Variants in PTPRN2 observed in about 807,000 individuals in gnomAD.
The protein encoded by PTPRN2 is protein tyrosine phosphatase receptor type N2.
A neutral mutation model predicts 118.8 loss-of-function variants in PTPRN2; 74 were observed. The ratio of observed to expected loss-of-function variants is 0.62; its 90% CI spans 0.52 to 0.76. The LOEUF is 0.76. Ranked by LOEUF, PTPRN2 falls within the 30% of genes least tolerant of loss-of-function variation. The probability of loss-of-function intolerance (pLI) is 0.00; values close to 1 mark genes in which losing one functional copy is unlikely to be tolerated. For missense variants in PTPRN2, 1,481 were observed against 1,394.4 expected, an observed-to-expected ratio of 1.06 and a Z score of -0.99; for synonymous variants, 641 against 608.0, an observed-to-expected ratio of 1.05 and a Z score of -0.80.
intron 12 of PTPRN2, among the ~76,000 whole-genome samples, chr7:157,699,116 G>C (rs1797947081): frequency 6.6e-6 from 1 of 152,110 alleles, no homozygotes; most frequent in Non-Finnish European, 1.5e-5. Context: ...GGGTTGCTTT[G>C]GAATTAAAAG....
intron 2 of PTPRN2, among the ~76,000 whole-genome samples, chr7:158,453,685 C>T (rs902596850): frequency 4.6e-5 from 7 of 152,182 alleles, no homozygotes; most frequent in African/African-American, 1.7e-4. Context: ...TTAAGTGAAC[C>T]ATATATATGC....
chr7:157,897,841 T>C (rs1797219557), intron 12 of PTPRN2, among the ~76,000 whole-genome samples: 1 of 152,274 alleles, frequency 6.6e-6, no homozygotes, highest in African/African-American at 2.4e-5. Flanking sequence ...AAATAAGCGC[T>C]CCTTCACAGT....
intron 13 of PTPRN2, among the ~76,000 whole-genome samples, chr7:157,666,602 A>G (rs576494680): frequency 1.3e-5 from 2 of 152,286 alleles, no homozygotes; most frequent in East Asian, 1.9e-4. Flanking sequence ...CGTGTAAGGC[A>G]GAGGCTGAGG....
intron 12 of PTPRN2, among the ~76,000 whole-genome samples, chr7:157,849,175 T>C (rs1464809222): frequency 6.6e-6 from 1 of 152,174 alleles, no homozygotes; most frequent in Non-Finnish European, 1.5e-5. Flanking sequence ...CGGGTTTCCC[T>C]CAGCTCAGAT....
At chr7:157,541,956 C>T (rs542594203) in intron 22 of PTPRN2, among the ~76,000 whole-genome samples, 99 of 152,336 alleles carry the variant, frequency 6.5e-4, no homozygotes, top group Admixed American at 1.7e-3. Context: ...TGTGGCCACG[C>T]GGCCTCTTAG....
At chr7:158,326,203 C>T (rs1187565559) in intron 2 of PTPRN2, among the ~76,000 whole-genome samples, 1 of 152,242 alleles carries the variant, frequency 6.6e-6, no homozygotes, top group Non-Finnish European at 1.5e-5. Flanking sequence ...CACTCACTCC[C>T]TCCCTGCATC....
At chr7:158,071,435 GGTGGTGGAGGTGCTC>G (rs879218735) in intron 11 of PTPRN2, among the ~76,000 whole-genome samples, 699 of 41,316 alleles carry the variant, frequency 0.017, 6 homozygotes, top group South Asian at 0.069. Context: ...AGGTGCTCGT[GGTGGTGGAGGTGCTC>G]GTGGTTGAGG....
chr7:158,516,908 C>A (rs1489644494), intron 1 of PTPRN2, among the ~76,000 whole-genome samples: 1 of 152,176 alleles, frequency 6.6e-6, no homozygotes, highest in East Asian at 1.9e-4. Context: ...TGGTGCTGTT[C>A]TTGGTGTTTC....
chr7:157,589,696 G>A (rs1275536351), intron 17 of PTPRN2, among the ~76,000 whole-genome samples: 1 of 152,222 alleles, frequency 6.6e-6, no homozygotes. Flanking sequence ...CCAAACTCGT[G>A]TTCCTAATTT....
intron 15 of PTPRN2, chr7:157,614,042 C>T (rs774828161): frequency 6.2e-5 from 29 of 471,258 alleles, no homozygotes; most frequent in Middle Eastern, 3.2e-4. Flanking sequence ...CCTTGGAAAG[C>T]ATCGTTCTGC....
chr7:157,708,709 A>C (rs570952855), intron 12 of PTPRN2, among the ~76,000 whole-genome samples: 1 of 152,212 alleles, frequency 6.6e-6, no homozygotes, highest in Non-Finnish European at 1.5e-5. Context: ...AGCATTCCAC[A>C]TGAAAACGCA....
intron 17 of PTPRN2, among the ~76,000 whole-genome samples, chr7:157,589,143 C>T (rs1416429062): frequency 6.6e-6 from 1 of 152,168 alleles, no homozygotes; most frequent in East Asian, 1.9e-4. Context: ...TGGCTACTAC[C>T]CCCTAGATTC....
intron 11 of PTPRN2, among the ~76,000 whole-genome samples, chr7:157,996,233 C>G (rs77505720): frequency 6.6e-6 from 1 of 152,170 alleles, no homozygotes; most frequent in Non-Finnish European, 1.5e-5. Context: ...AAATTACATG[C>G]GTGCATGGAT....
intron 14 of PTPRN2, among the ~76,000 whole-genome samples, chr7:157,635,646 G>C (rs1318741560): frequency 6.6e-6 from 1 of 152,178 alleles, no homozygotes; most frequent in South Asian, 2.1e-4. Flanking sequence ...TCTCTGGCTA[G>C]CTTACAGACT....
intron 4 of PTPRN2, among the ~76,000 whole-genome samples, chr7:158,201,892 TGCACCCTGA>T (rs1826672928): frequency 6.6e-6 from 1 of 152,140 alleles, no homozygotes; most frequent in African/African-American, 2.4e-5. Context: ...AAAACCAAGC[TGCACCCTGA>T]GCACCCTGGG....
intron 3 of PTPRN2, among the ~76,000 whole-genome samples, chr7:158,207,170 G>A (rs1315128971): frequency 2.1e-5 from 3 of 143,614 alleles, no homozygotes; most frequent in Non-Finnish European, 4.5e-5. Context: ...AGTATTCCAT[G>A]GTGTATATGT....
intron 13 of PTPRN2, among the ~76,000 whole-genome samples, chr7:157,670,286 G>C (rs920820684): frequency 3.9e-5 from 6 of 152,174 alleles, no homozygotes; most frequent in Non-Finnish European, 8.8e-5. Flanking sequence ...GAGAGTGACC[G>C]ACGTGCTGAA....
intron 11 of PTPRN2, among the ~76,000 whole-genome samples, chr7:157,917,211 C>T (rs1302985725): frequency 6.6e-6 from 1 of 152,278 alleles, no homozygotes; most frequent in Non-Finnish European, 1.5e-5. Context: ...TCTGGTTCCC[C>T]TTCTTTGCTG....
intron 21 of PTPRN2, among the ~76,000 whole-genome samples, chr7:157,557,150 C>A (rs1798938382): frequency 6.6e-6 from 1 of 151,060 alleles, no homozygotes; most frequent in East Asian, 2.0e-4. Context: ...CATATATACT[C>A]ACATGCATGC....
Sources: gnomAD v4.1 joint callset for allele counts (sites outside exome capture counted in the v4.1 genomes callset) on GRCh38, gnomAD v4.1.1 for gene constraint, MANE v1.5 for transcripts, NCBI Gene and HGNC (gene_info 2026-07-23, HGNC 2026-07-21) for gene names.